Variants in PDE6C observed in about 807,000 individuals in gnomAD.
PDE6C encodes the protein cone cGMP-specific 3',5'-cyclic phosphodiesterase subunit alpha'.
Under a neutral mutation model 113.1 loss-of-function variants are expected in PDE6C, and 75 were observed. That is an observed-to-expected ratio of 0.66 (90% CI 0.55 to 0.80). PDE6C has a LOEUF of 0.80. Ranked by LOEUF, PDE6C falls within the 30% of genes least tolerant of loss-of-function variation. The pLI is 0.00. For missense variants in PDE6C, 912 were observed against 1,038.6 expected (o/e 0.88, Z 1.67); for synonymous variants, 375 against 363.7 (o/e 1.03, Z -0.35).
At chr10:93,651,043 A>G (rs898863956) in intron 15 of PDE6C, among the ~76,000 whole-genome samples, 1 of 152,196 alleles carries the variant, frequency 6.6e-6, no homozygotes, top group African/African-American at 2.4e-5. Context: ...AAACACACAT[A>G]CACAAACTTG....
intron 14 of PDE6C, among the ~76,000 whole-genome samples, chr10:93,644,451 T>C (rs917004731): frequency 2.6e-5 from 4 of 152,106 alleles, no homozygotes; most frequent in Non-Finnish European, 5.9e-5. Context: ...ATACATACTT[T>C]TGGGGTACAT....
At chr10:93,647,517 C>T (rs954037767) in intron 15 of PDE6C, among the ~76,000 whole-genome samples, 3 of 152,192 alleles carry the variant, frequency 2.0e-5, no homozygotes, top group Non-Finnish European at 4.4e-5. Context: ...ACACAGCACC[C>T]AACACCATTG....
At chr10:93,626,011 C>T (rs2058471527) in intron 5 of PDE6C, among the ~76,000 whole-genome samples, 1 of 152,120 alleles carries the variant, frequency 6.6e-6, no homozygotes, top group Non-Finnish European at 1.5e-5. Context: ...GGTTTACTTT[C>T]CCCCTTGACT....
chr10:93,644,413 A>G (rs2058573427), intron 14 of PDE6C, among the ~76,000 whole-genome samples: 1 of 152,176 alleles, frequency 6.6e-6, no homozygotes, highest in Non-Finnish European at 1.5e-5. Flanking sequence ...TTTTAAAAAT[A>G]TACATTTTAA....
At chr10:93,655,739 T>C (rs781210665) in intron 15 of PDE6C, 21 bp from the exon 16 acceptor site, 13 of 1,229,086 alleles carry the variant, frequency 1.1e-5, no homozygotes, top group Admixed American at 1.7e-5. Context: ...TAGCATTTTA[T>C]TGTGAATTTT....
At chr10:93,654,806 CTTTCTTTT>C (rs1290132063) in intron 15 of PDE6C, among the ~76,000 whole-genome samples, 32 of 82,944 alleles carry the variant, frequency 3.9e-4, no homozygotes, top group Middle Eastern at 6.0e-3. Flanking sequence ...TTCTTTCTTT[CTTTCTTTT>C]TTTTTTTTTT....
At chr10:93,636,368 T>TTGTGTGTGTGTG (rs56143950) in intron 10 of PDE6C, among the ~76,000 whole-genome samples, 2,145 of 141,290 alleles carry the variant, frequency 0.015, 56 homozygotes, top group African/African-American at 0.038. Flanking sequence ...TTCCCTGGCT[T>TTGTGTGTGTGTG]TGTGTGTGTG....
intron 10 of PDE6C, among the ~76,000 whole-genome samples, chr10:93,636,395 T>TGTGTGTGTGTG (rs1554890075): frequency 3.8e-4 from 56 of 148,638 alleles, no homozygotes; most frequent in African/African-American, 1.4e-3. Flanking sequence ...TGTGTGTGTG[T>TGTGTGTGTGTG]GTGTGTGTGT....
At chr10:93,633,501 A>G (rs550061568) in intron 8 of PDE6C, among the ~76,000 whole-genome samples, 24 of 151,200 alleles carry the variant, frequency 1.6e-4, no homozygotes, top group African/African-American at 5.6e-4. Context: ...TAAACAAGCT[A>G]AAACAAATCT....
At chr10:93,635,354 T>C in intron 9 of PDE6C, 143 bp from the exon 10 acceptor site, 1 of 669,762 alleles carries the variant, frequency 1.5e-6, no homozygotes, top group East Asian at 2.7e-5. Flanking sequence ...AAGCTGATTA[T>C]TAGTATGTTT....
In PDE6C at chr10:93,629,995, G is replaced by A. The variant is rs143030823; in HGVS notation, c.1119+690G>A. ...GACACAGCATTCATGCTCAATAAAC[G>A]TTCTCTGCATGCATGAATGGCTGGC... On this transcript the variant is annotated intron_variant, in intron 8 of 21. Transcript: ENST00000371447. 9.7e-4 allele frequency among the ~76,000 whole-genome samples: 147 copies of A among 152,200 alleles called. 1 individual carries two copies. The South Asian group carries it at 0.011, about 11-fold the overall frequency.
At chr10:93,623,252 T>C (rs1236913072) in intron 4 of PDE6C, among the ~76,000 whole-genome samples, 1 of 152,234 alleles carries the variant, frequency 6.6e-6, no homozygotes, top group Non-Finnish European at 1.5e-5. Context: ...TTACTTGCCA[T>C]CTGTATATCT....
At chr10:93,658,183 A>AAAAG (rs2058648503) in intron 16 of PDE6C, among the ~76,000 whole-genome samples, 1 of 144,952 alleles carries the variant, frequency 6.9e-6, no homozygotes, top group African/African-American at 2.6e-5. Context: ...AAAAAAAAAA[A>AAAAG]AAAAAAAAAG....
intron 1 of PDE6C, among the ~76,000 whole-genome samples, chr10:93,619,882 C>T (rs2058437085): frequency 5.9e-5 from 9 of 152,072 alleles, no homozygotes; most frequent in Admixed American, 5.9e-4. Flanking sequence ...GAAAACTATA[C>T]ACAGGCAAAA....
At chr10:93,654,791 T>TTTCTTTCTTTCTTTCTTTCTTTCC (rs1564804779) in intron 15 of PDE6C, among the ~76,000 whole-genome samples, 24 of 104,564 alleles carry the variant, frequency 2.3e-4, no homozygotes, top group African/African-American at 6.0e-4. Context: ...TCTTTCTTTC[T>TTTCTTTCTTTCTTTCTTTCTTTCC]TTCTTTCTTT....
intron 19 of PDE6C, 100 bp from the exon 20 acceptor site, chr10:93,662,460 C>CAAAAA (rs11364728): frequency 5.1e-4 from 164 of 320,648 alleles, no homozygotes; most frequent in Middle Eastern, 1.0e-3. Context: ...GACTCTGCCT[C>CAAAAA]AAAAAAAAAA....
At chr10:93,652,069 G>A (rs1389559156) in intron 15 of PDE6C, among the ~76,000 whole-genome samples, 2 of 152,060 alleles carry the variant, frequency 1.3e-5, no homozygotes, top group African/African-American at 4.8e-5. Context: ...TTGTTCCAAA[G>A]AGGATTTGAT....
chr10:93,643,038 T>C (rs2058567329), intron 14 of PDE6C, among the ~76,000 whole-genome samples: 1 of 152,162 alleles, frequency 6.6e-6, no homozygotes, highest in East Asian at 1.9e-4. Context: ...GAGAAACAAA[T>C]TGAGCATCTA....
rs1019698283 is a variant in PDE6C at position 93,640,449 on chromosome 10, G to A, written c.1630-1G>A. 2 of 1,605,838 alleles carry A rather than the reference G, an allele frequency of 1.2e-6. No individual in the cohort carries two copies. The highest frequency in any genetic ancestry group is 2.2e-5 in the East Asian group (1 of 44,834). The stretch of plus-strand genomic sequence containing the variant: ...GTCTGAATGGTGTCATCTTCTTTTA[G>A]GTTCTTACCAGATGGATGTACACTG... On this transcript the variant is annotated splice_acceptor_variant, in intron 12 of 21. Transcript: ENST00000371447. LOFTEE classifies it high-confidence loss of function.
Sources: allele counts gnomAD v4.1 joint callset (sites outside exome capture counted in the v4.1 genomes callset), GRCh38; gene constraint gnomAD v4.1.1; transcripts MANE v1.5; gene names NCBI Gene and HGNC (gene_info 2026-07-23, HGNC 2026-07-21).